P2RY8: variants seen among roughly 807,000 people sequenced by gnomAD.
The protein encoded by P2RY8 is P2Y receptor family member 8.
P2RY8 carries 6 observed loss-of-function variants against 10.0 expected under a neutral mutation model. The ratio of observed to expected loss-of-function variants is 0.60; its 90% CI spans 0.33 to 1.19. P2RY8 has a LOEUF of 1.19. P2RY8 is among the 50% of genes most tolerant of loss of function. The probability of loss-of-function intolerance (pLI) is 0.04; values close to 1 mark genes in which losing one functional copy is unlikely to be tolerated. For synonymous variants in P2RY8, 276 were observed against 252.5 expected, an observed-to-expected ratio of 1.09 and a Z score of -0.88; for missense variants, 456 against 542.0, an observed-to-expected ratio of 0.84 and a Z score of 1.58.
Position 1,465,273 on chromosome X carries a change from C to A in P2RY8, c.*206G>T. On this transcript the variant is annotated 3_prime_UTR_variant, in exon 2 of 2. Coordinates refer to ENST00000381297, the MANE Select transcript of P2RY8 (RefSeq NM_178129.5). ...CTGCTGGGCTTTGCTTGTTTCTCTA[C>A]CCTGAGTGAAGCCTGGAGACCCTTC... 2.5e-6 allele frequency: 2 copies of A among 796,256 alleles called. No individual in the cohort carries two copies. Among genetic ancestry groups the A allele is most frequent in the Non-Finnish European group, 3.8e-6 (2 of 520,050 alleles). The allele number at this position is 796,256 out of a possible 1,614,324, so 49.3% of individuals were successfully genotyped here.
chrX:1,470,552 A>G (rs1351641337), intron 1 of P2RY8, among the ~76,000 whole-genome samples: 7 of 151,600 alleles, frequency 4.6e-5, no homozygotes, highest in African/African-American at 1.7e-4. Flanking sequence ...GAACCCCACA[A>G]CTGCTAATCC....
chrX:1,467,646 C>G (rs2091707404), intron 1 of P2RY8, among the ~76,000 whole-genome samples: 1 of 152,196 alleles, frequency 6.6e-6, no homozygotes. Context: ...GTGGACAGAG[C>G]TGGAAACAGG....
intron 1 of P2RY8, among the ~76,000 whole-genome samples, chrX:1,535,543 G>A (rs2092517621): frequency 6.6e-6 from 1 of 151,892 alleles, no homozygotes; most frequent in Admixed American, 6.6e-5. Context: ...TATGCAAGGA[G>A]GAACGGAACG....
rs751647684 is a variant in P2RY8 at position 1,464,823 on chromosome X, C to A, written c.*656G>T. 4.3e-6 allele frequency: 1 copy of A among 233,512 alleles called. No individual in the cohort carries two copies. The highest frequency in any genetic ancestry group is 5.6e-5 in the Admixed American group (1 of 17,826). The allele number at this position is 233,512 out of a possible 1,614,324, so 14.5% of individuals were successfully genotyped here. A position where few individuals can be genotyped will look rare whatever the true frequency, so the allele number is the denominator to read the frequency against. Reference sequence around the variant, plus strand: ...GGGGGGAAGTGGGCACGGAGAGTAGCTGACTTGCAGGAGCCCCAGGCGCTC... The same window carrying A: ...GGGGGGAAGTGGGCACGGAGAGTAGATGACTTGCAGGAGCCCCAGGCGCTC... On this transcript the variant is annotated 3_prime_UTR_variant, in exon 2 of 2. Coordinates refer to ENST00000381297, the MANE Select transcript of P2RY8 (RefSeq NM_178129.5).
At position 1,464,916 on chromosome X, in the gene P2RY8, G is replaced by C. The variant is rs756513466; in HGVS notation, c.*563C>G. ...GAGTGAAATAAACAGAAATTTCGGC[G>C]TGCACCGGGCTACGGAGACCAGAAC... On this transcript the variant is annotated 3_prime_UTR_variant, in exon 2 of 2. Transcript: ENST00000381297. 1 of 234,778 alleles carries C rather than the reference G, an allele frequency of 4.3e-6. No homozygotes were observed. The highest frequency in any genetic ancestry group is 2.2e-5 in the African/African-American group (1 of 45,342). 14.5% of individuals were successfully genotyped at this position (234,778 alleles called of 1,614,324 possible).
rs150132096 is a variant in P2RY8, at chrX:1,485,889, C to T, written c.-24-19307G>A. On this transcript the variant is annotated intron_variant, in intron 1 of 1. Coordinates refer to ENST00000381297, the MANE Select transcript of P2RY8 (RefSeq NM_178129.5). ...TTATATGTATAATACATTATTTCTG[C>T]ATGTCATTTTGGTAAGTGAAGGTAG... is the stretch of plus-strand genomic sequence containing the variant. Among the ~76,000 whole-genome samples the T allele has an allele frequency of 7.7e-4, 117 of 151,780 alleles. 1 individual carries two copies. In the East Asian group the frequency reaches 0.02, roughly 27 times the overall value.
At chrX:1,536,272 T>C (rs1413295784) in intron 1 of P2RY8, among the ~76,000 whole-genome samples, 1 of 151,838 alleles carries the variant, frequency 6.6e-6, no homozygotes, top group Non-Finnish European at 1.5e-5. Context: ...TTTTTGTTTT[T>C]TTTTTTCTAA....
chrX:1,512,073 G>A (rs1340338847), intron 1 of P2RY8, among the ~76,000 whole-genome samples: 7 of 144,852 alleles, frequency 4.8e-5, no homozygotes, highest in Non-Finnish European at 7.4e-5. Context: ...CCAGGCTGGC[G>A]GGGGGGTCTC....
At chrX:1,535,567 G>A (rs1203137968) in intron 1 of P2RY8, among the ~76,000 whole-genome samples, 1 of 151,896 alleles carries the variant, frequency 6.6e-6, no homozygotes, top group Non-Finnish European at 1.5e-5. Flanking sequence ...AGGAGAGATT[G>A]AACGGCGCAG....
At chrX:1,525,180 A>G (rs780624791) in intron 1 of P2RY8, among the ~76,000 whole-genome samples, 1 of 152,316 alleles carries the variant, frequency 6.6e-6, no homozygotes, top group East Asian at 1.9e-4. Flanking sequence ...GTGTTTTGTG[A>G]AGAATTTGTT....
chrX:1,524,569 CCA>C (rs2092420362), intron 1 of P2RY8, among the ~76,000 whole-genome samples: 4 of 137,046 alleles, frequency 2.9e-5, no homozygotes, highest in African/African-American at 1.1e-4. Context: ...ATCCATCCAT[CCA>C]TCCATCCATC....
At chrX:1,493,422 A>ACAG (rs2092080801) in intron 1 of P2RY8, among the ~76,000 whole-genome samples, 1 of 39,570 alleles carries the variant, frequency 2.5e-5, no homozygotes. Context: ...AGGAAGGAGG[A>ACAG]AGGAGGAGGG....
chrX:1,475,064 T>A (rs1296873882), intron 1 of P2RY8, among the ~76,000 whole-genome samples: 3 of 135,874 alleles, frequency 2.2e-5, no homozygotes, highest in African/African-American at 8.5e-5. Context: ...GACGGGTGGA[T>A]GGATAGATGA....
At chrX:1,534,195 T>A (rs2092507403) in intron 1 of P2RY8, among the ~76,000 whole-genome samples, 1 of 140,236 alleles carries the variant, frequency 7.1e-6, no homozygotes, top group Non-Finnish European at 1.5e-5. Flanking sequence ...TATATATATT[T>A]ACATATATAT....
intron 1 of P2RY8, among the ~76,000 whole-genome samples, chrX:1,474,710 G>A (rs1346019808): frequency 6.9e-6 from 1 of 144,106 alleles, no homozygotes; most frequent in South Asian, 2.3e-4. Flanking sequence ...GTGAATGGAT[G>A]TATGATGAAT....
chrX:1,526,537 C>A (rs1196191978), intron 1 of P2RY8, among the ~76,000 whole-genome samples: 1 of 151,730 alleles, frequency 6.6e-6, no homozygotes, highest in East Asian at 1.9e-4. Flanking sequence ...TGGATGCATC[C>A]ACCACTCATC....
In P2RY8 at chrX:1,464,686, C is replaced by T. The variant is rs2091637937; in HGVS notation, c.*793G>A. The T allele has an allele frequency of 3.0e-5, 7 of 233,138 alleles. No individual in the cohort carries two copies. Among genetic ancestry groups the T allele is most frequent in the Middle Eastern group, 1.2e-3 (1 of 810 alleles). 14.4% of individuals were successfully genotyped at this position (233,138 alleles called of 1,614,324 possible). ...TGTTCCAGGGGCCTGATGGGACCTC[C>T]TTCTCTATCAGGGACTCACAGAAGC... On this transcript the variant is annotated 3_prime_UTR_variant, in exon 2 of 2. Coordinates refer to ENST00000381297, the MANE Select transcript of P2RY8 (RefSeq NM_178129.5).
At chrX:1,482,398 G>A (rs1229615533) in intron 1 of P2RY8, among the ~76,000 whole-genome samples, 1 of 151,876 alleles carries the variant, frequency 6.6e-6, no homozygotes, top group African/African-American at 2.4e-5. Context: ...CACTTCTGCC[G>A]TTACTGAGCC....
chrX:1,532,936 G>A (rs2092490517), intron 1 of P2RY8, among the ~76,000 whole-genome samples: 1 of 146,756 alleles, frequency 6.8e-6, no homozygotes, highest in African/African-American at 2.5e-5. Flanking sequence ...CCGGGAGAAG[G>A]AGGTTGCAGT....
Sources: gnomAD v4.1 joint callset for allele counts (sites outside exome capture counted in the v4.1 genomes callset) on GRCh38, gnomAD v4.1.1 for gene constraint, MANE v1.5 for transcripts, NCBI Gene and HGNC (gene_info 2026-07-23, HGNC 2026-07-21) for gene names.